Variants in DACH2 observed in about 807,000 individuals in gnomAD.
The protein encoded by DACH2 is dachshund family transcription factor 2.
In DACH2, 17 loss-of-function variants were observed where a neutral mutation model predicts 35.8. That is an observed-to-expected ratio of 0.48 (90% confidence interval 0.33 to 0.71). DACH2 has a LOEUF of 0.71. Among genes scored for constraint, DACH2 ranks in the 30% least tolerant of loss-of-function variants. The pLI, the probability that DACH2 is intolerant of heterozygous loss-of-function variation, is 0.02. For synonymous variants in DACH2, 195 were observed against 177.3 expected, an observed-to-expected ratio of 1.10 and a Z score of -0.79; for missense variants, 469 against 472.7, an observed-to-expected ratio of 0.99 and a Z score of 0.07.
intron 2 of DACH2, among the ~76,000 whole-genome samples, chrX:86,380,406 C>T (rs1197562723): frequency 9.1e-6 from 1 of 110,387 alleles, no homozygotes; most frequent in Admixed American, 9.7e-5. Context: ...TAGAAAAACA[C>T]CTCATTTACT....
At chrX:86,381,977 G>A (rs1168853850) in intron 2 of DACH2, among the ~76,000 whole-genome samples, 1 of 110,747 alleles carries the variant, frequency 9.0e-6, no homozygotes, top group Non-Finnish European at 1.9e-5. Context: ...CTTTGTGTTT[G>A]CTTTCAAGCT....
chrX:86,413,619 G>A (rs2067100880), intron 2 of DACH2, among the ~76,000 whole-genome samples: 2 of 111,594 alleles, frequency 1.8e-5, no homozygotes, highest in Admixed American at 1.9e-4. Context: ...CTGGGTCTCT[G>A]CAGTCCCTCC....
chrX:86,449,481 T>C (rs1353430404), intron 2 of DACH2, among the ~76,000 whole-genome samples: 1 of 111,754 alleles, frequency 8.9e-6, no homozygotes, highest in Admixed American at 9.5e-5. Context: ...TTAATCAATT[T>C]ATATTCAAGG....
chrX:86,584,301 A>G (rs990866193), intron 3 of DACH2, among the ~76,000 whole-genome samples: 2 of 110,525 alleles, frequency 1.8e-5, no homozygotes, highest in African/African-American at 6.5e-5. Context: ...TATTATTATT[A>G]TCTTGAATTA....
chrX:86,792,580 C>T (rs893906592), intron 7 of DACH2, among the ~76,000 whole-genome samples: 2 of 111,556 alleles, frequency 1.8e-5, no homozygotes, highest in African/African-American at 6.5e-5. Flanking sequence ...TCTCTACCAA[C>T]ATGAGATGTT....
intron 11 of DACH2, among the ~76,000 whole-genome samples, chrX:86,823,198 A>G (rs1226441102): frequency 9.0e-6 from 1 of 111,388 alleles, no homozygotes; most frequent in Non-Finnish European, 1.9e-5. Flanking sequence ...GCCTCTCAAA[A>G]TGCTGGGATT....
At chrX:86,716,988 C>T (rs2041344292) in intron 6 of DACH2, among the ~76,000 whole-genome samples, 1 of 111,910 alleles carries the variant, frequency 8.9e-6, no homozygotes, top group South Asian at 3.7e-4. Flanking sequence ...CACAAATACA[C>T]AGAAACCATT....
rs148482600 is a variant in DACH2 at position 86,698,669 on chromosome X, G to A, written c.931+3490G>A. Among the ~76,000 whole-genome samples the A allele has an allele frequency of 2.0e-4, 21 of 105,066 alleles. No homozygotes were observed. In the East Asian group the frequency reaches 5.5e-3, roughly 27 times the overall value. 91.2% of individuals were successfully genotyped at this position (105,066 alleles called of 115,157 possible). A position where few individuals can be genotyped will look rare whatever the true frequency, so the allele number is the denominator to read the frequency against. On this transcript the variant is annotated intron_variant, in intron 5 of 11. Coordinates refer to ENST00000373125, the MANE Select transcript of DACH2 (RefSeq NM_053281.3). ...AACCCCCTCCATCCCCCAGTAGCTG[G>A]GACTACAAGCATGTGCCACCACTCC... is the stretch of plus-strand genomic sequence containing the variant.
At chrX:86,759,368 C>G (rs190251015) in intron 7 of DACH2, among the ~76,000 whole-genome samples, 2 of 110,982 alleles carry the variant, frequency 1.8e-5, no homozygotes, top group Non-Finnish European at 3.8e-5. Context: ...ATATATTTAC[C>G]TTATTTGTCT....
intron 3 of DACH2, among the ~76,000 whole-genome samples, chrX:86,579,449 A>G (rs1248950727): frequency 5.4e-5 from 6 of 110,235 alleles, no homozygotes; most frequent in African/African-American, 2.0e-4. Context: ...CATTCTGTAT[A>G]TAATATATGT....
At chrX:86,646,809 C>T in intron 3 of DACH2, among the ~76,000 whole-genome samples, 1 of 109,202 alleles carries the variant, frequency 9.2e-6, no homozygotes, top group Non-Finnish European at 1.9e-5. Context: ...GAAACTGACA[C>T]TTATACATCC....
intron 7 of DACH2, among the ~76,000 whole-genome samples, chrX:86,745,806 C>T (rs2041706120): frequency 1.8e-5 from 2 of 111,299 alleles, no homozygotes; most frequent in Non-Finnish European, 1.9e-5. Context: ...TTTGAGAAAT[C>T]GCCAAACTGC....
rs773330810 is a variant in DACH2 at position 86,295,424 on chromosome X, C to A, written c.489-81400C>A. Reference sequence around the variant, plus strand: ...GCTGTAGACCGCAGCTGTTCCTATTCGCTCTAAGCAGGTTTCATACCCAAC... The same window carrying A: ...GCTGTAGACCGCAGCTGTTCCTATTAGCTCTAAGCAGGTTTCATACCCAAC... On this transcript the variant is annotated intron_variant, in intron 1 of 11. Transcript: ENST00000373125. 1.0e-3 allele frequency among the ~76,000 whole-genome samples: 114 copies of A among 111,966 alleles called. 1 individual carries two copies. Among genetic ancestry groups the A allele is most frequent in the African/African-American group, 3.6e-3 (110 of 30,878 alleles).
Position 86,481,167 on chromosome X carries a change from C to T in DACH2, c.528-33112C>T, listed in dbSNP as rs904834204. The T allele has an allele frequency of 7.1e-5, 8 of 111,988 alleles. No individual in the cohort carries two copies. In the Admixed American group the frequency reaches 7.6e-4, roughly 11 times the overall value. 9.2% of individuals were successfully genotyped at this position (111,988 alleles called of 1,213,427 possible). A position where few individuals can be genotyped will look rare whatever the true frequency, so the allele number is the denominator to read the frequency against. On this transcript the variant is annotated intron_variant, in intron 2 of 11. Coordinates refer to ENST00000373125, the MANE Select transcript of DACH2 (RefSeq NM_053281.3). ...TTAAAAACTAGACAAATTGCCACCT[C>T]CTTTGGTCTCCTCAGGTCAAATATT...
chrX:86,814,905 G>A (rs2042431064), intron 10 of DACH2, 71 bp downstream of exon 10: 1 of 1,046,329 alleles, frequency 9.6e-7, no homozygotes, highest in Admixed American at 2.8e-5. Context: ...ATAGAAGAAG[G>A]AATAAAAAGA....
chrX:86,500,935 C>A (rs966186001), intron 2 of DACH2, among the ~76,000 whole-genome samples: 1 of 111,505 alleles, frequency 9.0e-6, no homozygotes, highest in African/African-American at 3.3e-5. Context: ...CTTTCCTATC[C>A]TTCCAACACA....
intron 2 of DACH2, among the ~76,000 whole-genome samples, chrX:86,470,448 A>G (rs778137861): frequency 3.6e-5 from 4 of 111,840 alleles, no homozygotes; most frequent in Non-Finnish European, 7.5e-5. Flanking sequence ...CAGATCCTTG[A>G]GGATAAATCA....
chrX:86,614,907 G>A (rs1023162605), intron 3 of DACH2, among the ~76,000 whole-genome samples: 5 of 111,564 alleles, frequency 4.5e-5, no homozygotes, highest in Admixed American at 1.9e-4. Flanking sequence ...ACAAAATCTC[G>A]GCCATCATTT....
intron 2 of DACH2, among the ~76,000 whole-genome samples, chrX:86,407,264 C>A (rs1017211121): frequency 9.0e-6 from 1 of 111,634 alleles, no homozygotes; most frequent in East Asian, 2.8e-4. Flanking sequence ...TGACCTTTTG[C>A]CAGTTATATA....
Sources: allele counts gnomAD v4.1 joint callset (sites outside exome capture counted in the v4.1 genomes callset), GRCh38; gene constraint gnomAD v4.1.1; transcripts MANE v1.5; gene names NCBI Gene and HGNC (gene_info 2026-07-23, HGNC 2026-07-21).